Variants in TMEM59L observed in about 807,000 individuals in gnomAD.
TMEM59L encodes transmembrane protein 59 like.
A neutral mutation model predicts 39.6 loss-of-function variants in TMEM59L; 31 were observed. That is an observed-to-expected ratio of 0.78 (90% CI 0.59 to 1.06). TMEM59L has a LOEUF of 1.06. Among genes scored for constraint, TMEM59L ranks in the 50% least tolerant of loss-of-function variants. TMEM59L has a pLI of 0.00. For synonymous variants in TMEM59L, 219 were observed against 202.9 expected, an observed-to-expected ratio of 1.08 and a Z score of -0.68; for missense variants, 441 against 451.3, an observed-to-expected ratio of 0.98 and a Z score of 0.21.
At chr19:18,613,771 G>GAGC in intron 1 of TMEM59L, 101 bp from the exon 2 acceptor site, 1 of 885,816 alleles carries the variant, frequency 1.1e-6, no homozygotes, top group Non-Finnish European at 1.8e-6. Flanking sequence ...ATGTCGTGGG[G>GAGC]AGCGGGGAAG....
Position 18,620,643 on chromosome 19 carries a change from C to T in TMEM59L, c.*107C>T, listed in dbSNP as rs892072257. 2.1e-5 allele frequency: 30 copies of T among 1,407,110 alleles called. No individual in the cohort carries two copies. Among genetic ancestry groups the T allele is most frequent in the Non-Finnish European group, 2.6e-5 (28 of 1,071,408 alleles). 87.2% of individuals were successfully genotyped at this position (1,407,110 alleles called of 1,614,324 possible). A position where few individuals can be genotyped will look rare whatever the true frequency, so the allele number is the denominator to read the frequency against. On this transcript the variant is annotated 3_prime_UTR_variant, in exon 8 of 8. Transcript: ENST00000262817. ...GTGGGTCCAGCCTTGAGCCCCTCCA[C>T]CCCCAAATCCTTCCTCTCCTCCCAG...
intron 7 of TMEM59L, among the ~76,000 whole-genome samples, chr19:18,620,021 A>AC (rs1568447920): frequency 9.5e-5 from 13 of 136,994 alleles, no homozygotes; most frequent in East Asian, 7.3e-4. Context: ...ACACACACAC[A>AC]AAAGTCCAGG....
In TMEM59L at chr19:18,614,184, C is replaced by T; in HGVS notation, c.397C>T (p.Pro133Ser). The change falls in exon 3 of 8, where the codon CCG becomes TCG. Residue 133 changes from proline (P) to serine (S), a missense_variant. By Grantham distance (74) the Pro-to-Ser change is moderately conservative. Coordinates refer to ENST00000262817, the MANE Select transcript of TMEM59L (RefSeq NM_012109.3). ...CTGGAGCCAGCCCGCGGAGCCTGAGCCGGAGCAGAAGGTGGGCCTCCCACT... is the reference window on the plus strand; with the variant it reads ...CTGGAGCCAGCCCGCGGAGCCTGAGTCGGAGCAGAAGGTGGGCCTCCCACT... ...GCWSQPAEPE[P>S]EQKRKVLEAP... 1 of 1,600,030 alleles carries T rather than the reference C, an allele frequency of 6.2e-7. No individual in the cohort carries two copies. The highest frequency in any genetic ancestry group is 8.5e-7 in the Non-Finnish European group (1 of 1,175,198).
chr19:18,617,234 G>C, intron 5 of TMEM59L, 132 bp downstream of exon 5: 1 of 722,034 alleles, frequency 1.4e-6, no homozygotes, highest in Non-Finnish European at 2.5e-6. Context: ...TCATCCCCCA[G>C]GTCTCCATGG....
chr19:18,613,056 C>T lies in TMEM59L; in HGVS notation c.98C>T (p.Ala33Val). 7.2e-7 allele frequency: 1 copy of T among 1,385,498 alleles called. No individual in the cohort carries two copies. Among genetic ancestry groups the T allele is most frequent in the East Asian group, 3.1e-5 (1 of 32,556 alleles). The allele number at this position is 1,385,498 out of a possible 1,614,324, so 85.8% of individuals were successfully genotyped here. Residue 33 changes from alanine (A) to valine (V), a missense_variant, in exon 1 of 8, where the codon GCC (alanine) becomes GTC (valine). By Grantham distance (64) the Ala-to-Val change is moderately conservative. Transcript: ENST00000262817. ...GCGCCGTCCGCCCGCGATCCCTTCG[C>T]CCCCCAGCTCGGGGACACGCAGAAC... ...ASAPSARDPF[A>V]PQLGDTQNCQ... is the part of the protein sequence containing the mutation.
intron 1 of TMEM59L, 114 bp downstream of exon 1, chr19:18,613,243 G>A: frequency 2.8e-6 from 3 of 1,088,468 alleles, no homozygotes; most frequent in Non-Finnish European, 3.5e-6. Context: ...GGGGGTGTCC[G>A]TGGGGAGGTG....
In TMEM59L at chr19:18,614,104, C is replaced by T. The variant is rs1413353249; in HGVS notation, c.317C>T (p.Ala106Val). The T allele has an allele frequency of 1.2e-6, 2 of 1,612,240 alleles. No individual in the cohort carries two copies. The highest frequency in any genetic ancestry group is 1.7e-6 in the Non-Finnish European group (2 of 1,179,720). ...PNATQTECEA[A>V]CVEAYVKEAE... is the part of the protein sequence containing the mutation. ...AGTCACCCGCTCCCACCTCCCACAG[C>T]CTGCGTGGAAGCCTATGTGAAGGAG... The change falls in exon 3 of 8, where the codon GCC becomes GTC. Residue 106 changes from alanine to valine, a missense_variant and splice_region_variant. By Grantham distance (64) the Ala-to-Val change is moderately conservative (BLOSUM62 0). Coordinates refer to ENST00000262817, the MANE Select transcript of TMEM59L (RefSeq NM_012109.3).
chr19:18,620,733 G>A lies in TMEM59L; in HGVS notation c.*197G>A. The A allele has an allele frequency of 1.4e-6, 1 of 691,400 alleles. No individual in the cohort carries two copies. Among genetic ancestry groups the A allele is most frequent in the Non-Finnish European group, 2.2e-6 (1 of 458,952 alleles). 42.8% of individuals were successfully genotyped at this position (691,400 alleles called of 1,614,324 possible). On this transcript the variant is annotated 3_prime_UTR_variant, in exon 8 of 8. Coordinates refer to ENST00000262817, the MANE Select transcript of TMEM59L (RefSeq NM_012109.3). ...CCCAGCTGGGAAGAGGGCGGGATCG[G>A]GCACTGGTTCCTCCTTGTCCCCGCT...
intron 5 of TMEM59L, 117 bp downstream of exon 5, chr19:18,617,219 A>G (rs779355604): frequency 1.3e-5 from 10 of 779,286 alleles, no homozygotes; most frequent in Admixed American, 5.9e-5. Flanking sequence ...CCTGGGTTCC[A>G]TGGCTCATCC....
chr19:18,616,613 G>A (rs1976430971), intron 4 of TMEM59L, among the ~76,000 whole-genome samples: 2 of 152,054 alleles, frequency 1.3e-5, no homozygotes, highest in African/African-American at 4.8e-5. Context: ...GGCTGGTCTC[G>A]AACTCCTGAC....
At position 18,612,884 on chromosome 19, in the gene TMEM59L, C is replaced by G. The variant is rs1018858090; in HGVS notation, c.-75C>G. On this transcript the variant is annotated 5_prime_UTR_variant, in exon 1 of 8. Transcript: ENST00000262817. This position sits in a 1 kb window ranked among gnomAD's most constrained non-coding sequence, Gnocchi z 6.2. ...GCTCGGGTGACGTCAGCGCCCCGGTCCCCGCCGCAGCCGCTGCATCCTCCG... is the reference window on the plus strand; with the variant it reads ...GCTCGGGTGACGTCAGCGCCCCGGTGCCCGCCGCAGCCGCTGCATCCTCCG... 2.0e-5 allele frequency: 24 copies of G among 1,214,710 alleles called. No homozygotes were observed. The highest frequency in any genetic ancestry group is 2.4e-5 in the Non-Finnish European group (23 of 966,132). 75.2% of individuals were successfully genotyped at this position (1,214,710 alleles called of 1,614,324 possible). A position where few individuals can be genotyped will look rare whatever the true frequency, so the allele number is the denominator to read the frequency against.
rs773429924 is a variant in TMEM59L, at chr19:18,618,375, G to A, written c.783G>A (p.Arg261=). 1.2e-6 allele frequency: 2 copies of A among 1,605,808 alleles called. No homozygotes were observed. Among genetic ancestry groups the A allele is most frequent in the Admixed American group, 3.4e-5 (2 of 59,564 alleles). ...GAGTGGTGCCTGCCGGGCGGGGCAG[G>A]CGCTCGGGTCTGCCTCGCTGGATCC... The part of the protein sequence containing the change: ...QDNDFLSCMS[R]RSGLPRWILA... Residue 261 remains arginine, a splice_region_variant and synonymous_variant, in exon 7 of 8, where the codon CGG becomes CGA. Coordinates refer to ENST00000262817, the MANE Select transcript of TMEM59L (RefSeq NM_012109.3).
rs778716458 is a variant in TMEM59L, at chr19:18,613,851, C to T, written c.172-21C>T. ...CCTGCCCCTCCCCATGGCCTGAGCC[C>T]CCTGTCCTCCCCTCCCCCAGGCGGG... On this transcript the variant is annotated intron_variant, in intron 1 of 7. Transcript: ENST00000262817. The T allele has an allele frequency of 6.2e-6, 10 of 1,605,128 alleles. No homozygotes were observed. The South Asian group carries it at 1.1e-4, about 18-fold the overall frequency.
intron 3 of TMEM59L, 131 bp from the exon 4 acceptor site, chr19:18,615,844 G>C (rs1044927299): frequency 2.6e-6 from 3 of 1,167,748 alleles, no homozygotes; most frequent in Non-Finnish European, 3.6e-6. Context: ...CTGGCCTCAA[G>C]TGATCGGCCT....
chr19:18,617,361 T>G, intron 5 of TMEM59L: 3 of 573,552 alleles, frequency 5.2e-6, no homozygotes, highest in Non-Finnish European at 6.6e-6. Context: ...ATGGTCTATT[T>G]ACCAGGGATC....
chr19:18,613,874 G>A lies in TMEM59L; in HGVS notation c.174G>A (p.Ala58=), dbSNP rs141253088. 4 of 1,609,312 alleles carry A rather than the reference G, an allele frequency of 2.5e-6. No homozygotes were observed. The highest frequency in any genetic ancestry group is 3.4e-6 in the Non-Finnish European group (4 of 1,178,368). ...CCCCCTGTCCTCCCCTCCCCCAGGC[G>A]GGGCTGGAGGGCGCCTCCGAGTCTC... ...DRDLGPQPSQ[A]GLEGASESPY... Residue 58 remains alanine, a splice_region_variant and synonymous_variant, in exon 2 of 8, where the codon GCG becomes GCA. Transcript: ENST00000262817.
At position 18,618,272 on chromosome 19, in the gene TMEM59L, G is replaced by A. The variant is rs553416240; in HGVS notation, c.782G>A (p.Arg261Gln). ...QDNDFLSCMS[R>Q]RSGLPRWILA... ...AATGACTTCCTCAGTTGCATGTCCC[G>A]GTGGGTGGCAGGACCTTGGGGGTGG... Residue 261 changes from arginine to glutamine, a missense_variant and splice_region_variant, in exon 6 of 8, where the codon CGG (arginine) becomes CAG (glutamine). Arg to Gln is a conservative substitution (Grantham distance 43). Transcript: ENST00000262817. 25 of 1,585,870 alleles carry A rather than the reference G, an allele frequency of 1.6e-5. No individual in the cohort carries two copies. Among genetic ancestry groups the A allele is most frequent in the East Asian group, 2.3e-5 (1 of 44,030 alleles).
In TMEM59L at chr19:18,613,121, C is replaced by A. The variant is rs553999558; in HGVS notation, c.163C>A (p.Pro55Thr). The change falls in exon 1 of 8, where the codon CCC becomes ACC. Residue 55 changes from proline (P) to threonine (T), a missense_variant. Physicochemically the swap from Pro to Thr is conservative, Grantham distance 38. Transcript: ENST00000262817. ...CCGCGACCGCGACCTCGGCCCGCAG[C>A]CCTCGCAGGTGAGGCGCGTGCGGTG... ...RCRDRDLGPQ[P>T]SQAGLEGASE... 3.9e-6 allele frequency: 5 copies of A among 1,293,820 alleles called. No homozygotes were observed. The highest frequency in any genetic ancestry group is 4.9e-6 in the Non-Finnish European group (5 of 1,024,578). The allele number at this position is 1,293,820 out of a possible 1,614,324, so 80.1% of individuals were successfully genotyped here. A position where few individuals can be genotyped will look rare whatever the true frequency, so the allele number is the denominator to read the frequency against.
At chr19:18,617,342 C>G in intron 5 of TMEM59L, 1 of 624,494 alleles carries the variant, frequency 1.6e-6, no homozygotes, top group Non-Finnish European at 3.0e-6. Flanking sequence ...GTCCATCTCC[C>G]CGGGTTCCAT....
Sources: gnomAD v4.1 joint callset for allele counts (sites outside exome capture counted in the v4.1 genomes callset) on GRCh38, gnomAD v4.1.1 for gene constraint, Gnocchi (gnomAD v3.1) non-coding constraint, MANE v1.5 for transcripts, NCBI Gene and HGNC (gene_info 2026-07-23, HGNC 2026-07-21) for gene names.